The following NCAM2 variants were observed in gnomAD, a reference collection of about 807,000 sequenced individuals.
The protein encoded by NCAM2 is neural cell adhesion molecule 2, also known as N-CAM-2.
Under a neutral mutation model 98.1 loss-of-function variants are expected in NCAM2, and 30 were observed. The observed-to-expected ratio is 0.31, with a 90% CI of 0.23 to 0.41. The LOEUF (loss-of-function observed/expected upper bound fraction) is 0.41. Ranked by LOEUF, NCAM2 falls within the 10% of genes least tolerant of loss-of-function variation. The pLI, the probability that NCAM2 is intolerant of heterozygous loss-of-function variation, is 1.00. For synonymous variants in NCAM2, 368 were observed against 342.4 expected (o/e 1.07, Z -0.83); for missense variants, 867 against 1,005.8 (o/e 0.86, Z 1.87).
rs572456508 is a variant in NCAM2 at position 21,231,095 on chromosome 21, TG to T, written c.56-49482del. On this transcript the variant is annotated intron_variant, in intron 1 of 17. Coordinates refer to ENST00000400546, the MANE Select transcript of NCAM2 (RefSeq NM_004540.5). Reference sequence around the variant, plus strand: ...AGATGAGTGATTGAGAATTAATTATTGCTAAAACCCTAGAAGTGATATATTG... The same window carrying T: ...AGATGAGTGATTGAGAATTAATTATTCTAAAACCCTAGAAGTGATATATTG... Among the ~76,000 whole-genome samples, 717 of 151,460 alleles carry T rather than the reference TG, an allele frequency of 4.7e-3. 2 individuals are homozygous for T. The highest frequency in any genetic ancestry group is 8.0e-3 in the Non-Finnish European group (539 of 67,464).
intron 14 of NCAM2, among the ~76,000 whole-genome samples, chr21:21,469,955 C>T (rs1406758409): frequency 6.6e-6 from 1 of 151,916 alleles, no homozygotes; most frequent in Non-Finnish European, 1.5e-5. Flanking sequence ...ATGAATTGGA[C>T]TGTTAGAACA....
chr21:21,382,514 G>C (rs1338792998), intron 9 of NCAM2, among the ~76,000 whole-genome samples: 1 of 116,426 alleles, frequency 8.6e-6, no homozygotes, highest in African/African-American at 3.5e-5. Context: ...TTTTATTTCA[G>C]GGATTTTTTT....
chr21:21,340,008 A>G (rs548255997), intron 8 of NCAM2, among the ~76,000 whole-genome samples: 1 of 152,042 alleles, frequency 6.6e-6, no homozygotes, highest in East Asian at 1.9e-4. Flanking sequence ...AGTTTGCTTT[A>G]GTATATTCTT....
At chr21:21,357,807 A>G (rs1441809721) in intron 8 of NCAM2, among the ~76,000 whole-genome samples, 2 of 152,218 alleles carry the variant, frequency 1.3e-5, no homozygotes, top group African/African-American at 4.8e-5. Context: ...CAAATAATAC[A>G]GAACAAAAAG....
In NCAM2 at chr21:21,103,592, G is replaced by A. The variant is rs187341013; in HGVS notation, c.55+104974G>A. Among the ~76,000 whole-genome samples the A allele has an allele frequency of 8.6e-4, 131 of 152,088 alleles. 2 individuals carry two copies. The East Asian group carries it at 0.021, about 24-fold the overall frequency. ...CTAAATGAACTTCAAAATTGCTATC[G>A]AGGGAAAAAAATCCATAATGCTTCT... On this transcript the variant is annotated intron_variant, in intron 1 of 17. Coordinates refer to ENST00000400546, the MANE Select transcript of NCAM2 (RefSeq NM_004540.5).
intron 1 of NCAM2, among the ~76,000 whole-genome samples, chr21:21,052,557 CTGAGGAAT>C (rs2065132234): frequency 6.6e-6 from 1 of 152,026 alleles, no homozygotes; most frequent in Non-Finnish European, 1.5e-5. Context: ...AAAAAAAAAT[CTGAGGAAT>C]TGTCCACAAT....
chr21:21,181,936 T>TA (rs1437447075), intron 1 of NCAM2, among the ~76,000 whole-genome samples: 1 of 151,390 alleles, frequency 6.6e-6, no homozygotes, highest in South Asian at 2.1e-4. Flanking sequence ...CTTATGCCTA[T>TA]AATCCCAGCA....
chr21:21,528,981 C>A (rs930261554), intron 16 of NCAM2, among the ~76,000 whole-genome samples: 2 of 152,066 alleles, frequency 1.3e-5, no homozygotes, highest in African/African-American at 4.8e-5. Context: ...ACACAGATTA[C>A]AAAAAACGAG....
intron 1 of NCAM2, among the ~76,000 whole-genome samples, chr21:21,083,388 T>C (rs1303306637): frequency 6.6e-6 from 1 of 150,688 alleles, no homozygotes; most frequent in East Asian, 2.0e-4. Flanking sequence ...AAGCCGAACT[T>C]GGAATCTAGA....
intron 8 of NCAM2, among the ~76,000 whole-genome samples, chr21:21,371,630 C>T (rs1322192746): frequency 1.3e-5 from 2 of 151,778 alleles, no homozygotes; most frequent in Non-Finnish European, 2.9e-5. Flanking sequence ...TCACTATTTA[C>T]AGATCACAAT....
chr21:21,452,609 T>G (rs1289660849), intron 12 of NCAM2, among the ~76,000 whole-genome samples: 1 of 117,066 alleles, frequency 8.5e-6, no homozygotes, highest in East Asian at 2.4e-4. Flanking sequence ...TAATTGTATA[T>G]ATAGTATAAT....
chr21:21,476,955 CATA>C (rs920360765), intron 14 of NCAM2, among the ~76,000 whole-genome samples: 6 of 151,272 alleles, frequency 4.0e-5, no homozygotes, highest in African/African-American at 1.5e-4. Context: ...TTCCCATTCA[CATA>C]ATGATGAATA....
chr21:21,076,910 G>A, intron 1 of NCAM2, among the ~76,000 whole-genome samples: 1 of 152,280 alleles, frequency 6.6e-6, no homozygotes, highest in Non-Finnish European at 1.5e-5. Context: ...TTTGCAGAAT[G>A]AGTACATTGA....
chr21:21,333,372 T>C (rs1602013014), intron 6 of NCAM2, among the ~76,000 whole-genome samples: 1 of 152,192 alleles, frequency 6.6e-6, no homozygotes, highest in Admixed American at 6.5e-5. Flanking sequence ...CCCAGAGTAG[T>C]ACAGCCATCT....
chr21:21,421,214 A>C (rs991047493), intron 11 of NCAM2, among the ~76,000 whole-genome samples: 4 of 152,002 alleles, frequency 2.6e-5, no homozygotes, highest in Non-Finnish European at 5.9e-5. Context: ...CACAGGTAGT[A>C]TTTAATGTGC....
chr21:21,305,013 A>C (rs150286575), intron 5 of NCAM2, among the ~76,000 whole-genome samples: 3 of 152,162 alleles, frequency 2.0e-5, no homozygotes, highest in African/African-American at 7.2e-5. Context: ...AGAATTCTCT[A>C]CATAAATGAT....
chr21:21,480,990 G>C (rs1300866393), intron 15 of NCAM2, among the ~76,000 whole-genome samples: 1 of 152,202 alleles, frequency 6.6e-6, no homozygotes, highest in Non-Finnish European at 1.5e-5. Context: ...TCGTTGGTTA[G>C]ATATGTGGGC....
At chr21:21,337,816 A>G (rs2074915339) in intron 7 of NCAM2, among the ~76,000 whole-genome samples, 1 of 152,042 alleles carries the variant, frequency 6.6e-6, no homozygotes, top group Non-Finnish European at 1.5e-5. Flanking sequence ...GTGGAATAAT[A>G]TATATAAGTA....
At chr21:21,159,306 TTAAA>T (rs1357567883) in intron 1 of NCAM2, among the ~76,000 whole-genome samples, 2 of 152,140 alleles carry the variant, frequency 1.3e-5, no homozygotes, top group African/African-American at 4.8e-5. Flanking sequence ...AGAAAAATGT[TTAAA>T]TAAATTTAGT....
Sources: gnomAD v4.1 joint callset for allele counts (sites outside exome capture counted in the v4.1 genomes callset) on GRCh38, gnomAD v4.1.1 for gene constraint, MANE v1.5 for transcripts, NCBI Gene and HGNC (gene_info 2026-07-23, HGNC 2026-07-21) for gene names.